ARHGAP8: variants seen among roughly 807,000 people sequenced by gnomAD.
ARHGAP8 encodes rho GTPase-activating protein 8.
ARHGAP8 carries 62 observed loss-of-function variants against 46.1 expected under a neutral mutation model. The ratio of observed to expected loss-of-function variants is 1.34; its 90% CI spans 1.10 to 1.66. ARHGAP8 has a LOEUF of 1.66. ARHGAP8 is among the 40% of genes most tolerant of loss of function. ARHGAP8 has a pLI of 0.00. For synonymous variants in ARHGAP8, 375 were observed against 243.1 expected, an observed-to-expected ratio of 1.54 and a Z score of -5.05; for missense variants, 923 against 568.4, an observed-to-expected ratio of 1.62 and a Z score of -6.34.
At chr22:44,860,485 CT>C (rs2070421446) in intron 11 of ARHGAP8, among the ~76,000 whole-genome samples, 2 of 152,078 alleles carry the variant, frequency 1.3e-5, no homozygotes, top group Admixed American at 6.5e-5. Flanking sequence ...TGTGGACCCC[CT>C]GCCATATGTC....
At chr22:44,787,962 A>G (rs1927394321) in intron 2 of ARHGAP8, among the ~76,000 whole-genome samples, 1 of 143,686 alleles carries the variant, frequency 7.0e-6, no homozygotes, top group Non-Finnish European at 1.5e-5. Flanking sequence ...TCCTTTTAAG[A>G]AAACTTCTAG....
intron 1 of ARHGAP8, among the ~76,000 whole-genome samples, chr22:44,767,143 T>G (rs372543975): frequency 7.2e-5 from 11 of 152,342 alleles, no homozygotes; most frequent in African/African-American, 2.2e-4. Context: ...TTTGTTTGAT[T>G]CTCTGATAAG....
At chr22:44,804,431 A>G (rs997444348) in intron 3 of ARHGAP8, among the ~76,000 whole-genome samples, 2 of 152,144 alleles carry the variant, frequency 1.3e-5, no homozygotes, top group African/African-American at 4.8e-5. Context: ...TAGTGAAGGG[A>G]AGTTAGGTTC....
At position 44,841,552 on chromosome 22, in the gene ARHGAP8, G is replaced by A. The variant is rs999295889; in HGVS notation, c.597-3717G>A. Among the ~76,000 whole-genome samples, 5 of 152,146 alleles carry A rather than the reference G, an allele frequency of 3.3e-5. No homozygotes were observed. In the East Asian group the frequency reaches 7.7e-4, roughly 23 times the overall value. On this transcript the variant is annotated intron_variant, in intron 7 of 11. Coordinates refer to ENST00000356099, the MANE Select transcript of ARHGAP8 (RefSeq NM_181335.3). Reference sequence around the variant, plus strand: ...TCTGCGGTACCGGACTGCGCTCAGGGTATCTCTCTTCCTGTGCACACCAGT... The same window carrying A: ...TCTGCGGTACCGGACTGCGCTCAGGATATCTCTCTTCCTGTGCACACCAGT...
intron 2 of ARHGAP8, among the ~76,000 whole-genome samples, chr22:44,800,178 G>A (rs4823259): frequency 0.27 from 40,495 of 147,966 alleles, 6,363 homozygotes; most frequent in East Asian, 0.44. Flanking sequence ...ATCTTGGCTC[G>A]CTGCAACCTC....
intron 11 of ARHGAP8, among the ~76,000 whole-genome samples, chr22:44,861,828 T>G (rs1280173175): frequency 2.0e-5 from 3 of 152,108 alleles, no homozygotes; most frequent in Admixed American, 6.5e-5. Context: ...GAGCCCCTTC[T>G]AGCAGGCAAG....
At chr22:44,792,432 C>T (rs1209164367) in intron 2 of ARHGAP8, among the ~76,000 whole-genome samples, 1 of 152,150 alleles carries the variant, frequency 6.6e-6, no homozygotes, top group Non-Finnish European at 1.5e-5. Flanking sequence ...ACCTTGGCAT[C>T]AGCTTCGTTC....
At chr22:44,858,079 C>G (rs777808231) in intron 10 of ARHGAP8, among the ~76,000 whole-genome samples, 5 of 152,216 alleles carry the variant, frequency 3.3e-5, no homozygotes, top group Admixed American at 6.5e-5. Flanking sequence ...AATTCCTTGT[C>G]CATTCAAATG....
intron 11 of ARHGAP8, among the ~76,000 whole-genome samples, chr22:44,860,380 TCTCCCAGCTCCTGGTCA>T (rs1351159107): frequency 6.6e-6 from 1 of 152,116 alleles, no homozygotes; most frequent in Admixed American, 6.5e-5. Context: ...CTTCCTGGCC[TCTCCCAGCTCCTGGTCA>T]CTCCAGCTAT....
At chr22:44,814,025 A>C in intron 4 of ARHGAP8, among the ~76,000 whole-genome samples, 1 of 151,698 alleles carries the variant, frequency 6.6e-6, no homozygotes. Flanking sequence ...ACCGTCCCCC[A>C]CTCACCCTCT....
chr22:44,791,268 C>T (rs544481868), intron 2 of ARHGAP8, among the ~76,000 whole-genome samples: 2 of 152,182 alleles, frequency 1.3e-5, no homozygotes, highest in East Asian at 1.9e-4. Context: ...TGTGCTCCTC[C>T]CGGGGAGTAT....
In ARHGAP8 at chr22:44,859,921, CTGGGTCTGGGGTCATGCCCTGCT is replaced by C. The variant is rs2070385528; in HGVS notation, c.981+92_981+114del. 3.4e-6 allele frequency: 5 copies of C among 1,475,976 alleles called. No homozygotes were observed. In the Admixed American group the frequency reaches 9.8e-5, roughly 29 times the overall value. 91.4% of individuals were successfully genotyped at this position (1,475,976 alleles called of 1,614,324 possible). On this transcript the variant is annotated intron_variant, in intron 11 of 11. Coordinates refer to ENST00000356099, the MANE Select transcript of ARHGAP8 (RefSeq NM_181335.3). ...CGCATGGACCAGTCCCCTCCTTGCC[CTGGGTCTGGGGTCATGCCCTGCT>C]TGGGCCTCGGAATACCACTCCCTGC...
chr22:44,858,039 C>T (rs951376475), intron 10 of ARHGAP8, among the ~76,000 whole-genome samples: 1 of 152,244 alleles, frequency 6.6e-6, no homozygotes, highest in African/African-American at 2.4e-5. Flanking sequence ...TGGCAGCCAC[C>T]TGGCTCGGTT....
intron 7 of ARHGAP8, among the ~76,000 whole-genome samples, chr22:44,837,083 C>T (rs918317214): frequency 2.8e-4 from 43 of 152,168 alleles, no homozygotes; most frequent in Admixed American, 1.4e-3. Context: ...CGGGGTTTCA[C>T]CATGTTGGCT....
At chr22:44,771,699 C>T (rs1926018868) in intron 1 of ARHGAP8, among the ~76,000 whole-genome samples, 2 of 151,514 alleles carry the variant, frequency 1.3e-5, no homozygotes, top group Admixed American at 6.6e-5. Flanking sequence ...GGATTACAGG[C>T]ACCTGCCAAC....
intron 7 of ARHGAP8, among the ~76,000 whole-genome samples, chr22:44,832,315 C>T (rs1363864185): frequency 1.3e-5 from 2 of 150,864 alleles, no homozygotes; most frequent in African/African-American, 4.9e-5. Flanking sequence ...CAACCTCTGC[C>T]TCCTGGGTTC....
At chr22:44,763,207 A>G (rs1383754328) in intron 1 of ARHGAP8, among the ~76,000 whole-genome samples, 2 of 152,036 alleles carry the variant, frequency 1.3e-5, no homozygotes, top group Non-Finnish European at 2.9e-5. Flanking sequence ...AGCAAAAGAT[A>G]ATTTTCAGGC....
At chr22:44,820,871 G>A (rs1299380079) in intron 5 of ARHGAP8, among the ~76,000 whole-genome samples, 2 of 152,174 alleles carry the variant, frequency 1.3e-5, no homozygotes, top group African/African-American at 4.8e-5. Flanking sequence ...GCTGGCGCTG[G>A]ACTGAGCTGT....
At chr22:44,754,336 CTTTG>C (rs1370569704) in intron 1 of ARHGAP8, among the ~76,000 whole-genome samples, 1 of 115,254 alleles carries the variant, frequency 8.7e-6, no homozygotes, top group Non-Finnish European at 1.7e-5. Flanking sequence ...GTCATTGAAA[CTTTG>C]TGTGTGTGTG....
Sources: gnomAD v4.1 joint callset for allele counts (sites outside exome capture counted in the v4.1 genomes callset) on GRCh38, gnomAD v4.1.1 for gene constraint, MANE v1.5 for transcripts, NCBI Gene and HGNC (gene_info 2026-07-23, HGNC 2026-07-21) for gene names.